VCAN: variants seen among roughly 807,000 people sequenced by gnomAD.
VCAN encodes versican core protein.
In VCAN, 44 loss-of-function variants were observed where a neutral mutation model predicts 245.5. The ratio of observed to expected loss-of-function variants is 0.18; its 90% CI spans 0.14 to 0.23. The LOEUF is 0.23. VCAN is among the 10% of genes least tolerant of loss of function. The pLI, the probability that VCAN is intolerant of heterozygous loss-of-function variation, is 1.00. For missense variants in VCAN, 3,793 were observed against 4,057.9 expected, an observed-to-expected ratio of 0.93 and a Z score of 1.77; for synonymous variants, 1,413 against 1,437.0, an observed-to-expected ratio of 0.98 and a Z score of 0.38.
In VCAN at chr5:83,521,877, A is replaced by G; in HGVS notation, c.3571A>G (p.Thr1191Ala). 1 of 1,614,198 alleles carries G rather than the reference A, an allele frequency of 6.2e-7. No individual in the cohort carries two copies. The highest frequency in any genetic ancestry group is 8.5e-7 in the Non-Finnish European group (1 of 1,180,028). Residue 1191 changes from threonine (T) to alanine (A), a missense_variant, in exon 7 of 15, where the codon ACA becomes GCA. By Grantham distance (58) the Thr-to-Ala change is moderately conservative. Around this residue, in one of 5 missense-constraint regions of VCAN, gnomAD observed 3,182 missense variants for 3,250.3 expected, o/e 0.98. Coordinates refer to ENST00000265077, the MANE Select transcript of VCAN (RefSeq NM_004385.5). ...AGGATTATTTGAAAAGCCCAAAGCCACAGAACTCATAGAATTTTCAACAAT... is the reference window on the plus strand; with the variant it reads ...AGGATTATTTGAAAAGCCCAAAGCCGCAGAACTCATAGAATTTTCAACAAT... Reference protein sequence around the residue: ...GSGLFEKPKATELIEFSTIKV... With the variant: ...GSGLFEKPKAAELIEFSTIKV...
chr5:83,512,468 C>G, intron 6 of VCAN, 72 bp downstream of exon 6: 1 of 1,539,150 alleles, frequency 6.5e-7, no homozygotes, highest in Non-Finnish European at 8.8e-7. Context: ...TGATGTTCAA[C>G]TAGCCGTTGG....
rs750242480 is a variant in VCAN, at chr5:83,521,940, A to G, written c.3634A>G (p.Ser1212Gly). 19 of 1,614,224 alleles carry G rather than the reference A, an allele frequency of 1.2e-5. No homozygotes were observed. The highest frequency in any genetic ancestry group is 1.6e-4 in the Middle Eastern group (1 of 6,062). The change falls in exon 7 of 15, where the codon AGT (serine) becomes GGT (glycine). Residue 1212 changes from serine (S) to glycine (G), a missense_variant. By Grantham distance (56) the Ser-to-Gly change is moderately conservative. This residue lies in a region of VCAN where 3,182 missense variants were observed against 3,250.3 expected (regional missense o/e 0.98). Transcript: ENST00000265077. ...TCCAAGTGATATTACCACTGCCTTC[A>G]GTTCAGTAGACAGACTTCACACAAC... ...TVPSDITTAF[S>G]SVDRLHTTSA...
intron 7 of VCAN, chr5:83,536,805 A>G (rs1746728342): frequency 1.8e-5 from 9 of 488,294 alleles, no homozygotes; most frequent in Non-Finnish European, 3.2e-5. Flanking sequence ...ATAATGTTAA[A>G]TTGAATTCAT....
chr5:83,563,573 G>A (rs774489042), intron 12 of VCAN, among the ~76,000 whole-genome samples: 1 of 152,094 alleles, frequency 6.6e-6, no homozygotes, highest in Non-Finnish European at 1.5e-5. Flanking sequence ...GTTTCTTATC[G>A]GCATATGTTT....
intron 13 of VCAN, among the ~76,000 whole-genome samples, chr5:83,575,520 C>T (rs1374294107): frequency 6.6e-6 from 1 of 152,220 alleles, no homozygotes; most frequent in Admixed American, 6.5e-5. Context: ...AACATTCTTA[C>T]ATTTCCTATT....
At chr5:83,545,188 A>G (rs760120393) in intron 8 of VCAN, 1 of 350,546 alleles carries the variant, frequency 2.9e-6, no homozygotes, top group Non-Finnish European at 5.4e-6. Context: ...TACATTTTCC[A>G]TTCACTGTGC....
intron 5 of VCAN, 49 bp from the exon 6 acceptor site, chr5:83,512,054 G>A: frequency 6.2e-7 from 1 of 1,610,534 alleles, no homozygotes; most frequent in East Asian, 2.2e-5. Flanking sequence ...CAACAGGAAA[G>A]GAATGAATAA....
At chr5:83,474,407 C>A (rs776410079) in intron 1 of VCAN, among the ~76,000 whole-genome samples, 2 of 152,086 alleles carry the variant, frequency 1.3e-5, no homozygotes, top group Non-Finnish European at 2.9e-5. Context: ...CCTTTCCCAG[C>A]GGCAACAAAT....
intron 5 of VCAN, 110 bp downstream of exon 5, chr5:83,494,041 G>A (rs533532611): frequency 3.3e-5 from 51 of 1,565,066 alleles, no homozygotes; most frequent in Non-Finnish European, 3.9e-5. Flanking sequence ...TCCAAACGGT[G>A]GCATTTTGTT....
chr5:83,568,893 G>C (rs3105118), intron 12 of VCAN, among the ~76,000 whole-genome samples: 123,946 of 151,282 alleles, frequency 0.82, 51,020 homozygotes, highest in African/African-American at 0.89. Context: ...TATATACACA[G>C]ACACACACGC....
intron 12 of VCAN, among the ~76,000 whole-genome samples, chr5:83,563,758 A>T (rs1747966411): frequency 6.6e-6 from 1 of 152,140 alleles, no homozygotes; most frequent in Non-Finnish European, 1.5e-5. Flanking sequence ...GCGCACAAAG[A>T]AGTCAGCTCT....
chr5:83,539,797 C>T lies in VCAN; in HGVS notation c.6794C>T (p.Thr2265Ile), dbSNP rs1481203891. 2 of 1,613,874 alleles carry T rather than the reference C, an allele frequency of 1.2e-6. No individual in the cohort carries two copies. Among genetic ancestry groups the T allele is most frequent in the East Asian group, 2.2e-5 (1 of 44,856 alleles). ...GLGSGEEVLP[T>I]LPTESVNFTE... ...GGATCAGGAGAAGAAGTTTTACCTACTCTACCAACAGAGTCAGTGAATTTT... is the reference window on the plus strand; with the variant it reads ...GGATCAGGAGAAGAAGTTTTACCTATTCTACCAACAGAGTCAGTGAATTTT... The change falls in exon 8 of 15, where the codon ACT (threonine) becomes ATT (isoleucine). Residue 2265 changes from threonine to isoleucine, a missense_variant. Physicochemically the swap from Thr to Ile is moderately conservative, Grantham distance 89 (BLOSUM62 -1). Coordinates refer to ENST00000265077, the MANE Select transcript of VCAN (RefSeq NM_004385.5).
intron 6 of VCAN, chr5:83,512,942 A>C (rs910164651): frequency 6.5e-6 from 1 of 153,660 alleles, no homozygotes; most frequent in Non-Finnish European, 1.5e-5. Flanking sequence ...TAATGGAAAT[A>C]CATGCCTTCT....
At position 83,512,339 on chromosome 5, in the gene VCAN, G is replaced by A. The variant is rs755784539; in HGVS notation, c.985G>A (p.Glu329Lys). The A allele has an allele frequency of 6.2e-7, 1 of 1,610,894 alleles. No individual in the cohort carries two copies. The highest frequency in any genetic ancestry group is 8.5e-7 in the Non-Finnish European group (1 of 1,177,254). ...LLGVRTLYRFENQTGFPPPDS... is the reference protein window; with the variant it reads ...LLGVRTLYRFKNQTGFPPPDS... ...TGGGGTGAGAACCCTGTATCGTTTT[G>A]AGAACCAGACAGGCTTCCCTCCCCC... The change falls in exon 6 of 15, where the codon GAG (glutamate) becomes AAG (lysine). Residue 329 changes from glutamate to lysine, a missense_variant. Glu to Lys is a moderately conservative substitution (Grantham distance 56). Around this residue, in one of 5 missense-constraint regions of VCAN, gnomAD observed 190 missense variants for 288.6 expected, o/e 0.66. Transcript: ENST00000265077.
chr5:83,510,068 T>A (rs1177631692), intron 5 of VCAN, among the ~76,000 whole-genome samples: 1 of 152,208 alleles, frequency 6.6e-6, no homozygotes, highest in Non-Finnish European at 1.5e-5. Flanking sequence ...AGGGAGACGT[T>A]GTGAGAGCCG....
At chr5:83,482,204 G>A (rs1402636400) in intron 1 of VCAN, among the ~76,000 whole-genome samples, 2 of 152,184 alleles carry the variant, frequency 1.3e-5, no homozygotes, top group Non-Finnish European at 2.9e-5. Context: ...ACTCATGGAT[G>A]CAAAATCCCT....
chr5:83,534,679 G>T (rs1206057493), intron 7 of VCAN, among the ~76,000 whole-genome samples: 1 of 152,010 alleles, frequency 6.6e-6, no homozygotes, highest in East Asian at 1.9e-4. Context: ...ATCCCATGAA[G>T]TTGTACTGAA....
intron 3 of VCAN, 36 bp from the exon 4 acceptor site, chr5:83,493,510 G>T: frequency 6.2e-7 from 1 of 1,612,346 alleles, no homozygotes; most frequent in South Asian, 1.1e-5. Flanking sequence ...TGGGAGATTT[G>T]AACAGGCTGG....
Position 83,521,942 on chromosome 5 carries a change from T to A in VCAN, c.3636T>A (p.Ser1212Arg). The A allele has an allele frequency of 6.2e-7, 1 of 1,614,172 alleles. No homozygotes were observed. The highest frequency in any genetic ancestry group is 8.5e-7 in the Non-Finnish European group (1 of 1,180,030). The change falls in exon 7 of 15, where the codon AGT (serine) becomes AGA (arginine). Residue 1212 changes from serine to arginine, a missense_variant. Physicochemically the swap from Ser to Arg is moderately radical, Grantham distance 110. This residue lies in a region of VCAN where 3,182 missense variants were observed against 3,250.3 expected (regional missense o/e 0.98). Transcript: ENST00000265077. ...TVPSDITTAF[S>R]SVDRLHTTSA... ...CAAGTGATATTACCACTGCCTTCAG[T>A]TCAGTAGACAGACTTCACACAACTT... is the stretch of plus-strand genomic sequence containing the variant.
Sources: allele counts gnomAD v4.1 joint callset (sites outside exome capture counted in the v4.1 genomes callset), GRCh38; gene constraint gnomAD v4.1.1; regional missense constraint gnomAD v4.1.1; transcripts MANE v1.5; gene names NCBI Gene and HGNC (gene_info 2026-07-23, HGNC 2026-07-21).